The following WDR49 variants were observed in gnomAD, a reference collection of about 807,000 sequenced individuals.
The protein encoded by WDR49 is cilia- and flagella-associated protein 337.
A neutral mutation model predicts 119.5 loss-of-function variants in WDR49; 107 were observed. The ratio of observed to expected loss-of-function variants is 0.90; its 90% CI spans 0.77 to 1.05. The LOEUF (loss-of-function observed/expected upper bound fraction) is 1.05. Among genes scored for constraint, WDR49 ranks in the 50% least tolerant of loss-of-function variants. The pLI is 0.00. For missense variants in WDR49, 1,240 were observed against 1,220.5 expected (o/e 1.02, Z -0.24); for synonymous variants, 425 against 418.8 (o/e 1.01, Z -0.18).
intron 10 of WDR49, among the ~76,000 whole-genome samples, chr3:167,551,172 A>T (rs1340384369): frequency 6.6e-6 from 1 of 152,034 alleles, no homozygotes; most frequent in Non-Finnish European, 1.5e-5. Context: ...AGACCCAAAC[A>T]TTCATATTTA....
At chr3:167,612,130 G>A (rs1716368469) in intron 5 of WDR49, among the ~76,000 whole-genome samples, 1 of 152,152 alleles carries the variant, frequency 6.6e-6, no homozygotes. Context: ...ATAATATCAA[G>A]TGTTTTCTCT....
intron 16 of WDR49, among the ~76,000 whole-genome samples, chr3:167,517,489 C>T (rs923812179): frequency 1.3e-5 from 2 of 152,074 alleles, no homozygotes; most frequent in African/African-American, 4.8e-5. Context: ...TGAAACCGGT[C>T]TCCTTCCTTA....
intron 2 of WDR49, among the ~76,000 whole-genome samples, chr3:167,650,150 T>C (rs922638723): frequency 6.6e-5 from 10 of 152,292 alleles, no homozygotes; most frequent in Admixed American, 2.6e-4. Context: ...TCCATGGCTT[T>C]CCCAAAGTTC....
chr3:167,533,002 T>C, intron 11 of WDR49, 25 bp from the exon 12 acceptor site: 1 of 1,501,224 alleles, frequency 6.7e-7, no homozygotes, highest in South Asian at 1.3e-5. Flanking sequence ...ATGGAGAATA[T>C]AAATTGCCAG....
At chr3:167,624,448 G>A (rs1717028868) in intron 3 of WDR49, among the ~76,000 whole-genome samples, 1 of 151,944 alleles carries the variant, frequency 6.6e-6, no homozygotes, top group Non-Finnish European at 1.5e-5. Flanking sequence ...AAGCAGATCA[G>A]TGCTTGCTTA....
At chr3:167,559,826 C>T (rs528130156) in intron 9 of WDR49, among the ~76,000 whole-genome samples, 17 of 152,002 alleles carry the variant, frequency 1.1e-4, no homozygotes, top group Non-Finnish European at 2.1e-4. Flanking sequence ...ATGAGTAAGC[C>T]AAGTTATATT....
chr3:167,523,542 C>T lies in WDR49; in HGVS notation c.2605-1058G>A, dbSNP rs181873306. Among the ~76,000 whole-genome samples, 46 of 152,164 alleles carry T rather than the reference C, an allele frequency of 3.0e-4. 2 individuals are homozygous for T. The East Asian group carries it at 8.7e-3, about 29-fold the overall frequency. ...AGGTATTTATCCTAATGCTCTACCT[C>T]CCCTTTCCCCCACCCCGCAACAGTC... is the stretch of plus-strand genomic sequence containing the variant. On this transcript the variant is annotated intron_variant, in intron 15 of 18. Transcript: ENST00000682715.
Position 167,532,939 on chromosome 3 carries a change from T to A in WDR49, c.1993A>T (p.Thr665Ser), listed in dbSNP as rs767904746. 13 of 1,609,766 alleles carry A rather than the reference T, an allele frequency of 8.1e-6. No homozygotes were observed. Among genetic ancestry groups the A allele is most frequent in the Non-Finnish European group, 1.1e-5 (13 of 1,177,154 alleles). ...DGEIVLWNNS[T>S]ENAHHVLHPD... The stretch of plus-strand genomic sequence containing the variant: ...TGAAGAACATGGTGAGCATTCTCTG[T>A]GCTATTGTTCCATAGAACAATTTCT... Residue 665 changes from threonine to serine, a missense_variant, in exon 12 of 19, where the codon ACA becomes TCA. Thr to Ser is a moderately conservative substitution (Grantham distance 58). Coordinates refer to ENST00000682715, the MANE Select transcript of WDR49 (RefSeq NM_001366157.1).
chr3:167,524,100 GGGAT>G (rs1752552184), intron 15 of WDR49, among the ~76,000 whole-genome samples: 1 of 152,140 alleles, frequency 6.6e-6, no homozygotes, highest in South Asian at 2.1e-4. Flanking sequence ...TAACTGATGT[GGGAT>G]GGTATCTCAT....
chr3:167,605,103 TAC>T (rs147965737), intron 5 of WDR49, among the ~76,000 whole-genome samples: 48,773 of 146,596 alleles, frequency 0.33, 9,976 homozygotes, highest in African/African-American at 0.6. Flanking sequence ...TGTATATATA[TAC>T]ACACACACAC....
At chr3:167,528,602 C>G (rs1435295249) in intron 14 of WDR49, among the ~76,000 whole-genome samples, 1 of 150,892 alleles carries the variant, frequency 6.6e-6, no homozygotes, top group Non-Finnish European at 1.5e-5. Context: ...TCCTGTAGTC[C>G]TAGCTACTCA....
chr3:167,536,468 C>T (rs551281687), intron 11 of WDR49, among the ~76,000 whole-genome samples: 1 of 151,780 alleles, frequency 6.6e-6, no homozygotes, highest in East Asian at 1.9e-4. Flanking sequence ...TGCTTGAGCT[C>T]AGGAGTTTGA....
chr3:167,653,304 T>C lies in WDR49; in HGVS notation c.122A>G (p.Gln41Arg). The C allele has an allele frequency of 6.5e-7, 1 of 1,536,186 alleles. No homozygotes were observed. Among genetic ancestry groups the C allele is most frequent in the Non-Finnish European group, 8.7e-7 (1 of 1,146,904 alleles). Reference protein sequence around the residue: ...EDYGTGLLENQLSVGDFVKIQ... With the variant: ...EDYGTGLLENRLSVGDFVKIQ... ...TTTTACAAAGTCACCCACGCTGAGT[T>C]GGTTTTCAAGCAGGCCTGTGCCATA... Residue 41 changes from glutamine (Q) to arginine (R), a missense_variant, in exon 2 of 19, where the codon CAA becomes CGA. Gln to Arg is a conservative substitution (Grantham distance 43). Coordinates refer to ENST00000682715, the MANE Select transcript of WDR49 (RefSeq NM_001366157.1).
rs2108322377 is a variant in WDR49 at position 167,621,589 on chromosome 3, C to G, written c.661G>C (p.Glu221Gln). 1 of 1,535,082 alleles carries G rather than the reference C, an allele frequency of 6.5e-7. No homozygotes were observed. The highest frequency in any genetic ancestry group is 2.4e-5 in the East Asian group (1 of 40,836). The change falls in exon 4 of 19, where the codon GAA becomes CAA. Residue 221 changes from glutamate to glutamine, a missense_variant. Physicochemically the swap from Glu to Gln is conservative, Grantham distance 29. Coordinates refer to ENST00000682715, the MANE Select transcript of WDR49 (RefSeq NM_001366157.1). ...EVCFYDLLSK[E>Q]EFACQYKLQG... ...AGTTTGTATTGGCAAGCAAATTCTTCTTTGGACAGCAGATCATAGAAACAA... is the reference window on the plus strand; with the variant it reads ...AGTTTGTATTGGCAAGCAAATTCTTGTTTGGACAGCAGATCATAGAAACAA...
At chr3:167,636,562 T>C (rs1297952524) in intron 2 of WDR49, among the ~76,000 whole-genome samples, 2 of 151,730 alleles carry the variant, frequency 1.3e-5, no homozygotes, top group African/African-American at 4.8e-5. Context: ...CTTTAAAGAA[T>C]CTCCACACTG....
At chr3:167,561,511 T>C (rs1713269664) in intron 8 of WDR49, among the ~76,000 whole-genome samples, 1 of 152,140 alleles carries the variant, frequency 6.6e-6, no homozygotes, top group South Asian at 2.1e-4. Flanking sequence ...AGATAAATGC[T>C]AAAAAATGTT....
chr3:167,485,254 A>C (rs1159999747), intron 18 of WDR49, among the ~76,000 whole-genome samples: 3 of 152,056 alleles, frequency 2.0e-5, no homozygotes, highest in Non-Finnish European at 4.4e-5. Context: ...GTGGGGCTTA[A>C]AACATAGATG....
rs899507397 is a variant in WDR49, at chr3:167,628,179, T to A, written c.166-887A>T. Among the ~76,000 whole-genome samples the A allele has an allele frequency of 8.4e-4, 128 of 152,190 alleles. 1 individual carries two copies. Among genetic ancestry groups the A allele is most frequent in the Middle Eastern group, 3.4e-3 (1 of 294 alleles). Reference sequence around the variant, plus strand: ...CTCTCCCTTTCCTTGGGCCTCCCTATTTTTTGAGACACAAAAATATTGAAA... The same window carrying A: ...CTCTCCCTTTCCTTGGGCCTCCCTAATTTTTGAGACACAAAAATATTGAAA... On this transcript the variant is annotated intron_variant, in intron 2 of 18. Transcript: ENST00000682715.
intron 11 of WDR49, among the ~76,000 whole-genome samples, chr3:167,535,338 A>G (rs190108185): frequency 6.6e-6 from 1 of 152,214 alleles, no homozygotes; most frequent in Non-Finnish European, 1.5e-5. Context: ...TGCAAACTTT[A>G]CATCTGATAG....
Sources: allele counts gnomAD v4.1 joint callset (sites outside exome capture counted in the v4.1 genomes callset), GRCh38; gene constraint gnomAD v4.1.1; transcripts MANE v1.5; gene names NCBI Gene and HGNC (gene_info 2026-07-23, HGNC 2026-07-21).